ARHGEF10: variants seen among roughly 807,000 people sequenced by gnomAD.
The protein encoded by ARHGEF10 is Rho guanine nucleotide exchange factor 10, also known as Rho guanine nucleotide exchange factor (GEF) 10.
A neutral mutation model predicts 147.4 loss-of-function variants in ARHGEF10; 140 were observed. That is an observed-to-expected ratio of 0.95 (90% CI 0.83 to 1.09). ARHGEF10 has a LOEUF of 1.09. Among genes scored for constraint, ARHGEF10 ranks in the 50% least tolerant of loss-of-function variants. ARHGEF10 has a pLI of 0.00. For synonymous variants in ARHGEF10, 902 were observed against 695.8 expected (o/e 1.30, Z -4.67); for missense variants, 2,222 against 1,752.7 (o/e 1.27, Z -4.78).
intron 1 of ARHGEF10, among the ~76,000 whole-genome samples, chr8:1,841,068 T>A (rs531525840): frequency 6.6e-6 from 1 of 152,234 alleles, no homozygotes; most frequent in South Asian, 2.1e-4. Context: ...CGTCGGGGCC[T>A]AGGCTGGGCT....
chr8:1,848,224 G>C (rs939156891), intron 2 of ARHGEF10, among the ~76,000 whole-genome samples: 12 of 152,348 alleles, frequency 7.9e-5, no homozygotes, highest in African/African-American at 2.9e-4. Context: ...GGTACGCGGG[G>C]TCCTCCGTCT....
rs1563292304 is a variant in ARHGEF10 at position 1,923,936 on chromosome 8, G to A, written c.2488+62G>A. ...GGCGTGATGATGAATTCCTGCCCACGAGGGTGAGGTCAGGGTTGAGAAGGA... is the reference window on the plus strand; with the variant it reads ...GGCGTGATGATGAATTCCTGCCCACAAGGGTGAGGTCAGGGTTGAGAAGGA... On this transcript the variant is annotated intron_variant, in intron 21 of 28. Transcript: ENST00000349830. 10 of 1,484,362 alleles carry A rather than the reference G, an allele frequency of 6.7e-6. 1 individual carries two copies. The highest frequency in any genetic ancestry group is 4.2e-5 in the African/African-American group (3 of 72,124). The allele number at this position is 1,484,362 out of a possible 1,614,324, so 91.9% of individuals were successfully genotyped here. A position where few individuals can be genotyped will look rare whatever the true frequency, so the allele number is the denominator to read the frequency against.
chr8:1,906,486 A>G (rs1470101499), intron 17 of ARHGEF10, among the ~76,000 whole-genome samples: 2 of 152,144 alleles, frequency 1.3e-5, no homozygotes, highest in African/African-American at 2.4e-5. Context: ...CAGCTGTTAA[A>G]CGTTTGCCAG....
Position 1,859,879 on chromosome 8 carries a change from TC to T in ARHGEF10, c.194-16del. On this transcript the variant is annotated splice_polypyrimidine_tract_variant and intron_variant, in intron 3 of 28. Transcript: ENST00000349830. ...CCTTGGTGATGTGTCTGCTGACAAG[TC>T]CTTTCTGCATCCCCAGGAGGTGAGG... is the stretch of plus-strand genomic sequence containing the variant. The T allele has an allele frequency of 6.2e-7, 1 of 1,613,822 alleles. No individual in the cohort carries two copies. Among genetic ancestry groups the T allele is most frequent in the Non-Finnish European group, 8.5e-7 (1 of 1,180,004 alleles).
intron 1 of ARHGEF10, among the ~76,000 whole-genome samples, chr8:1,837,178 G>C (rs185171515): frequency 2.0e-5 from 3 of 152,246 alleles, no homozygotes. Context: ...TCAGGATGCC[G>C]GTGGTAGGGC....
chr8:1,859,750 G>A (rs1805937028), intron 3 of ARHGEF10, 147 bp from the exon 4 acceptor site: 3 of 950,722 alleles, frequency 3.2e-6, no homozygotes, highest in Non-Finnish European at 4.9e-6. Flanking sequence ...CTCCCTCCGA[G>A]GCCACCTGAT....
At chr8:1,900,742 G>C (rs1411977215) in intron 15 of ARHGEF10, among the ~76,000 whole-genome samples, 1 of 152,142 alleles carries the variant, frequency 6.6e-6, no homozygotes, top group Non-Finnish European at 1.5e-5. Context: ...TCAAGAACTT[G>C]GGTGTCAAAA....
At chr8:1,929,595 T>G in intron 25 of ARHGEF10, 152 bp downstream of exon 25, 1 of 886,960 alleles carries the variant, frequency 1.1e-6, no homozygotes, top group Non-Finnish European at 1.6e-6. Flanking sequence ...AAGGCCCGGG[T>G]GCCTTGCTTC....
intron 2 of ARHGEF10, among the ~76,000 whole-genome samples, chr8:1,851,465 T>TCACACAGAAGGCACAGCAC (rs1805144674): frequency 1.3e-5 from 2 of 151,670 alleles, no homozygotes; most frequent in Non-Finnish European, 2.9e-5. Context: ...TGTTGGCTTC[T>TCACACAGAAGGCACAGCAC]CAGTTGCAAC....
At chr8:1,867,619 A>G (rs1459722866) in intron 6 of ARHGEF10, among the ~76,000 whole-genome samples, 1 of 152,246 alleles carries the variant, frequency 6.6e-6, no homozygotes, top group Admixed American at 6.5e-5. Flanking sequence ...AAGTTGGCTG[A>G]GCCAGCCCCC....
At chr8:1,885,892 G>T (rs1051401614) in intron 11 of ARHGEF10, among the ~76,000 whole-genome samples, 185 bp downstream of exon 11, 1 of 152,224 alleles carries the variant, frequency 6.6e-6, no homozygotes, top group Non-Finnish European at 1.5e-5. Context: ...AAGGGTCTGG[G>T]GGGACGCTGG....
chr8:1,903,682 C>A, intron 16 of ARHGEF10: 1 of 602,044 alleles, frequency 1.7e-6, no homozygotes, highest in Non-Finnish European at 2.9e-6. Context: ...GAGATTCATA[C>A]ATTCATTAGA....
chr8:1,877,782 G>A (rs564316198), intron 8 of ARHGEF10, among the ~76,000 whole-genome samples: 3 of 152,126 alleles, frequency 2.0e-5, no homozygotes, highest in South Asian at 2.1e-4. Flanking sequence ...CTACAGTGAT[G>A]TCTGTGTACT....
At chr8:1,932,715 C>T (rs147654076) in intron 25 of ARHGEF10, among the ~76,000 whole-genome samples, 42 of 152,304 alleles carry the variant, frequency 2.8e-4, no homozygotes, top group Admixed American at 5.9e-4. Flanking sequence ...AAAAGTATGC[C>T]ACAGAAGTCA....
intron 17 of ARHGEF10, among the ~76,000 whole-genome samples, chr8:1,908,808 A>G (rs150501680): frequency 1.4e-4 from 21 of 152,244 alleles, no homozygotes; most frequent in East Asian, 1.9e-4. Context: ...TTTCGGTTCA[A>G]TTTCCGTATA....
At chr8:1,873,508 CGTTTGAGAG>C (rs1807330741) in intron 7 of ARHGEF10, among the ~76,000 whole-genome samples, 14 of 75,724 alleles carry the variant, frequency 1.8e-4, no homozygotes, top group African/African-American at 5.2e-4. Context: ...CGCATTTCCT[CGTTTGAGAG>C]GCGCCCGCGG....
intron 11 of ARHGEF10, among the ~76,000 whole-genome samples, chr8:1,890,359 C>G (rs1416353845): frequency 7.0e-6 from 1 of 143,502 alleles, no homozygotes. Flanking sequence ...TGTGAGGATA[C>G]ACTGAGTTGG....
intron 11 of ARHGEF10, among the ~76,000 whole-genome samples, chr8:1,889,131 T>TGTGAGGGGGGTGAGGGTTGTAAGGGGAAA (rs1809134336): frequency 3.3e-5 from 2 of 61,194 alleles, no homozygotes; most frequent in African/African-American, 1.0e-4. Flanking sequence ...GAGGAGACAC[T>TGTGAGGGGGGTGAGGGTTGTAAGGGGAAA]GTGAGTGGGG....
chr8:1,903,603 G>T (rs769343010), intron 16 of ARHGEF10, 152 bp downstream of exon 16: 24 of 888,516 alleles, frequency 2.7e-5, no homozygotes, highest in Non-Finnish European at 4.0e-5. Context: ...GCCTTCGGGA[G>T]AGTCACACCA....
Sources: allele counts gnomAD v4.1 joint callset (sites outside exome capture counted in the v4.1 genomes callset), GRCh38; gene constraint gnomAD v4.1.1; transcripts MANE v1.5; gene names NCBI Gene and HGNC (gene_info 2026-07-23, HGNC 2026-07-21).